The following TTLL5 variants were observed in gnomAD, a reference collection of about 807,000 sequenced individuals.
TTLL5 encodes tubulin tyrosine ligase like 5.
Under a neutral mutation model 168.4 loss-of-function variants are expected in TTLL5, and 132 were observed. The ratio of observed to expected loss-of-function variants is 0.78; its 90% CI spans 0.68 to 0.91. The LOEUF (loss-of-function observed/expected upper bound fraction) is 0.91. TTLL5 is among the 40% of genes least tolerant of loss of function. The pLI is 0.00. For synonymous variants in TTLL5, 546 were observed against 558.6 expected, an observed-to-expected ratio of 0.98 and a Z score of 0.32; for missense variants, 1,545 against 1,581.5, an observed-to-expected ratio of 0.98 and a Z score of 0.39.
chr14:75,782,256 G>A (rs928820466), intron 24 of TTLL5, among the ~76,000 whole-genome samples: 1 of 152,048 alleles, frequency 6.6e-6, no homozygotes, highest in Non-Finnish European at 1.5e-5. Flanking sequence ...GGTACCGTTC[G>A]CCAGTTCAGT....
At chr14:75,940,182 C>T (rs2034556658) in intron 31 of TTLL5, among the ~76,000 whole-genome samples, 1 of 148,846 alleles carries the variant, frequency 6.7e-6, no homozygotes, top group African/African-American at 2.5e-5. Flanking sequence ...CAGGTTCACA[C>T]CATAGGCTGT....
At chr14:75,743,061 G>T (rs1011773694) in intron 15 of TTLL5, among the ~76,000 whole-genome samples, 1 of 152,096 alleles carries the variant, frequency 6.6e-6, no homozygotes, top group Non-Finnish European at 1.5e-5. Context: ...GTATTTGTTT[G>T]TTCAACCAAT....
At chr14:75,933,050 T>G (rs1314655611) in intron 31 of TTLL5, among the ~76,000 whole-genome samples, 1 of 152,244 alleles carries the variant, frequency 6.6e-6, no homozygotes, top group Non-Finnish European at 1.5e-5. Flanking sequence ...AGCCCCAATC[T>G]TCTTTGCCCA....
chr14:75,922,180 C>T (rs557268299), intron 31 of TTLL5, among the ~76,000 whole-genome samples: 2 of 151,272 alleles, frequency 1.3e-5, no homozygotes, highest in Non-Finnish European at 3.0e-5. Context: ...CATCTGCAAA[C>T]GGACAATTTG....
intron 27 of TTLL5, among the ~76,000 whole-genome samples, chr14:75,797,266 T>G (rs1271366733): frequency 6.6e-6 from 1 of 152,178 alleles, no homozygotes; most frequent in African/African-American, 2.4e-5. Flanking sequence ...TTGTGTACAT[T>G]GATTTTGTAT....
intron 17 of TTLL5, among the ~76,000 whole-genome samples, chr14:75,749,536 G>A (rs1373189112): frequency 7.2e-6 from 1 of 138,170 alleles, no homozygotes; most frequent in African/African-American, 2.7e-5. Context: ...GTTGGTCTGA[G>A]CCATGTATGG....
intron 2 of TTLL5, among the ~76,000 whole-genome samples, chr14:75,667,751 G>GTTTTTTTTTTTTTTTT (rs67181555): frequency 1.5e-4 from 13 of 89,092 alleles, no homozygotes; most frequent in African/African-American, 4.8e-4. Flanking sequence ...ATCTTTTTAT[G>GTTTTTTTTTTTTTTTT]TTTTTTTTTT....
At chr14:75,860,336 T>C (rs958213640) in intron 28 of TTLL5, among the ~76,000 whole-genome samples, 2 of 152,228 alleles carry the variant, frequency 1.3e-5, no homozygotes, top group African/African-American at 4.8e-5. Flanking sequence ...AAGAAGGCAT[T>C]AAAGTGAATG....
intron 28 of TTLL5, among the ~76,000 whole-genome samples, chr14:75,824,059 C>G (rs1894982659): frequency 6.6e-6 from 1 of 152,152 alleles, no homozygotes; most frequent in Non-Finnish European, 1.5e-5. Flanking sequence ...TTTTCATTCT[C>G]AGTCAGTCCT....
intron 29 of TTLL5, among the ~76,000 whole-genome samples, chr14:75,877,395 C>G (rs2031552829): frequency 6.6e-6 from 1 of 152,226 alleles, no homozygotes; most frequent in Non-Finnish European, 1.5e-5. Context: ...TTCTGTCTAT[C>G]AGAAATTTTT....
At chr14:75,866,330 G>A (rs1348339550) in intron 29 of TTLL5, among the ~76,000 whole-genome samples, 1 of 152,104 alleles carries the variant, frequency 6.6e-6, no homozygotes, top group Non-Finnish European at 1.5e-5. Context: ...CCTTTAGATA[G>A]CAATGGTACT....
chr14:75,668,211 GT>G (rs1883443532), intron 2 of TTLL5, among the ~76,000 whole-genome samples: 1 of 152,152 alleles, frequency 6.6e-6, no homozygotes, highest in African/African-American at 2.4e-5. Context: ...GGAATTATCA[GT>G]TTAAGTTCCC....
chr14:75,711,477 G>C (rs1887072947), intron 9 of TTLL5: 1 of 152,096 alleles, frequency 6.6e-6, no homozygotes, highest in Non-Finnish European at 1.5e-5. Context: ...CTGAGATGAA[G>C]CTAATAGCCA....
intron 18 of TTLL5, 127 bp from the exon 19 acceptor site, chr14:75,764,488 A>G (rs564628780): frequency 2.4e-5 from 27 of 1,131,706 alleles, no homozygotes; most frequent in South Asian, 4.7e-5. Flanking sequence ...TTATCTGTCA[A>G]ACTTTTAGAA....
chr14:75,857,041 G>C (rs1413634078), intron 28 of TTLL5, among the ~76,000 whole-genome samples: 2 of 152,214 alleles, frequency 1.3e-5, no homozygotes, highest in East Asian at 3.9e-4. Flanking sequence ...TTATTTATTA[G>C]TTCTAGCAGT....
At chr14:75,827,707 C>CTTTTTTTTTTTTTTTTTTT (rs561078439) in intron 28 of TTLL5, among the ~76,000 whole-genome samples, 2 of 53,204 alleles carry the variant, frequency 3.8e-5, no homozygotes, top group African/African-American at 1.6e-4. Flanking sequence ...TGGCTTGGTT[C>CTTTTTTTTTTTTTTTTTTT]TTTTTTTTTT....
intron 3 of TTLL5, among the ~76,000 whole-genome samples, chr14:75,678,196 A>G (rs1319727574): frequency 6.6e-6 from 1 of 152,242 alleles, no homozygotes; most frequent in Non-Finnish European, 1.5e-5. Flanking sequence ...TTATTTAGAA[A>G]AATTAAAAAC....
intron 21 of TTLL5, among the ~76,000 whole-genome samples, chr14:75,773,977 G>A (rs1257622189): frequency 1.1e-3 from 160 of 145,328 alleles, no homozygotes; most frequent in African/African-American, 3.8e-3. Flanking sequence ...GAGAGAGAGA[G>A]AGAGAGAGAG....
At chr14:75,690,041 A>G in intron 5 of TTLL5, 151 bp from the exon 6 acceptor site, 1 of 734,902 alleles carries the variant, frequency 1.4e-6, no homozygotes, top group Non-Finnish European at 2.1e-6. Context: ...ATGATTAATA[A>G]GCCTTTTGGA....
Sources: gnomAD v4.1 joint callset for allele counts (sites outside exome capture counted in the v4.1 genomes callset) on GRCh38, gnomAD v4.1.1 for gene constraint, MANE v1.5 for transcripts, NCBI Gene and HGNC (gene_info 2026-07-23, HGNC 2026-07-21) for gene names.